TBC1D22B: variants seen among roughly 807,000 people sequenced by gnomAD.
The protein encoded by TBC1D22B is chromosome 6 open reading frame 197.
A neutral mutation model predicts 69.1 loss-of-function variants in TBC1D22B; 32 were observed. The observed-to-expected ratio is 0.46, with a 90% confidence interval of 0.35 to 0.62. The LOEUF is 0.62. Ranked by LOEUF, TBC1D22B falls within the 20% of genes least tolerant of loss-of-function variation. The probability of loss-of-function intolerance (pLI) is 0.00; values close to 1 mark genes in which losing one functional copy is unlikely to be tolerated. For missense variants in TBC1D22B, 462 were observed against 630.9 expected, an observed-to-expected ratio of 0.73 and a Z score of 2.87; for synonymous variants, 206 against 229.8, an observed-to-expected ratio of 0.90 and a Z score of 0.94.
At chr6:37,289,368 T>C (rs1767106871) in intron 7 of TBC1D22B, among the ~76,000 whole-genome samples, 1 of 152,256 alleles carries the variant, frequency 6.6e-6, no homozygotes, top group Non-Finnish European at 1.5e-5. Flanking sequence ...CTCCTCTCTA[T>C]AAGGCAGGAT....
intron 8 of TBC1D22B, among the ~76,000 whole-genome samples, chr6:37,312,044 T>A (rs1767928885): frequency 6.6e-6 from 1 of 152,246 alleles, no homozygotes; most frequent in Non-Finnish European, 1.5e-5. Context: ...AGACAGATTC[T>A]CACTCCTGTT....
rs796230163 is a variant in TBC1D22B, at chr6:37,290,698, CTGCAATG to C, written c.868-540_868-534del. On this transcript the variant is annotated intron_variant, in intron 7 of 12. Transcript: ENST00000373491. ...GTATCCTGATATGTGAACTGACTTC[CTGCAATG>C]TGCAGTCTGTCACTTGGTCCTAGTC... Among the ~76,000 whole-genome samples the C allele has an allele frequency of 2.8e-3, 420 of 152,206 alleles. 2 individuals are homozygous for C. The highest frequency in any genetic ancestry group is 9.3e-3 in the African/African-American group (388 of 41,530).
intron 3 of TBC1D22B, among the ~76,000 whole-genome samples, chr6:37,280,437 G>A (rs923020264): frequency 2.6e-5 from 4 of 152,204 alleles, no homozygotes; most frequent in Non-Finnish European, 1.5e-5. Context: ...GAACTTTTTC[G>A]TGGCTGTAAG....
intron 1 of TBC1D22B, among the ~76,000 whole-genome samples, chr6:37,267,461 CATATAT>C (rs1239580541): frequency 7.6e-6 from 1 of 132,016 alleles, no homozygotes; most frequent in Non-Finnish European, 1.6e-5. Flanking sequence ...TATATATACA[CATATAT>C]ATAATATATA....
chr6:37,267,482 CTATATATAATATATATACACTATATA>C (rs1183346946), intron 1 of TBC1D22B, among the ~76,000 whole-genome samples: 1 of 138,106 alleles, frequency 7.2e-6, no homozygotes, highest in Non-Finnish European at 1.5e-5. Context: ...TATATATACA[CTATATATAATATATATACACTATATA>C]TATAATATAT....
intron 12 of TBC1D22B, among the ~76,000 whole-genome samples, chr6:37,325,957 G>C (rs4711493): frequency 6.6e-6 from 1 of 151,992 alleles, no homozygotes; most frequent in Non-Finnish European, 1.5e-5. Context: ...GGTTCCTTAC[G>C]GCTAAGCATC....
intron 8 of TBC1D22B, among the ~76,000 whole-genome samples, chr6:37,310,056 T>G (rs1345869155): frequency 6.8e-6 from 1 of 146,956 alleles, no homozygotes; most frequent in East Asian, 1.9e-4. Flanking sequence ...AATTTTATTT[T>G]TATATAATGT....
At position 37,316,321 on chromosome 6, in the gene TBC1D22B, C is replaced by T. The variant is rs192946492; in HGVS notation, c.1166-382C>T. Among the ~76,000 whole-genome samples the T allele has an allele frequency of 1.7e-4, 26 of 152,300 alleles. No homozygotes were observed. In the East Asian group the frequency reaches 4.6e-3, roughly 27 times the overall value. On this transcript the variant is annotated intron_variant, in intron 10 of 12. Coordinates refer to ENST00000373491, the MANE Select transcript of TBC1D22B (RefSeq NM_017772.4). ...GGGGATGCTGAAGAGGAGTTCCTCG[C>T]CAGTAGGAGGGTGGCCAAGGTGACC...
At chr6:37,295,256 C>T (rs1184288065) in intron 8 of TBC1D22B, among the ~76,000 whole-genome samples, 1 of 151,942 alleles carries the variant, frequency 6.6e-6, no homozygotes, top group Non-Finnish European at 1.5e-5. Context: ...AGGTGTGCGC[C>T]ACCATACCCA....
At chr6:37,282,839 A>C in intron 4 of TBC1D22B, 43 bp from the exon 5 acceptor site, 1 of 1,601,912 alleles carries the variant, frequency 6.2e-7, no homozygotes, top group Non-Finnish European at 8.6e-7. Context: ...GCTTTAGAGC[A>C]TTTGTGGAGA....
intron 7 of TBC1D22B, among the ~76,000 whole-genome samples, chr6:37,290,096 C>T (rs916765325): frequency 2.6e-5 from 4 of 152,090 alleles, no homozygotes; most frequent in African/African-American, 9.7e-5. Context: ...TGTGTCCCTC[C>T]TACACTAGAT....
chr6:37,282,091 G>A, intron 3 of TBC1D22B, 94 bp from the exon 4 acceptor site: 1 of 1,429,126 alleles, frequency 7.0e-7, no homozygotes, highest in Non-Finnish European at 9.8e-7. Flanking sequence ...ACACCCTTGG[G>A]GAGGAAACAC....
At chr6:37,297,706 A>G (rs1026991991) in intron 8 of TBC1D22B, among the ~76,000 whole-genome samples, 3 of 152,236 alleles carry the variant, frequency 2.0e-5, no homozygotes, top group African/African-American at 7.2e-5. Flanking sequence ...TGTTTATTAA[A>G]AAATCAAAAC....
chr6:37,259,615 C>G (rs1465121513), intron 1 of TBC1D22B, among the ~76,000 whole-genome samples: 1 of 152,134 alleles, frequency 6.6e-6, no homozygotes, highest in Non-Finnish European at 1.5e-5. Flanking sequence ...TTTTAAAGCA[C>G]TACTTTTCTG....
chr6:37,308,410 CT>C (rs1361289486), intron 8 of TBC1D22B, among the ~76,000 whole-genome samples: 1 of 152,214 alleles, frequency 6.6e-6, no homozygotes, highest in Non-Finnish European at 1.5e-5. Flanking sequence ...GTGCACTCAG[CT>C]CACAGTTTTT....
intron 8 of TBC1D22B, among the ~76,000 whole-genome samples, chr6:37,306,410 C>T (rs904112745): frequency 6.6e-6 from 1 of 152,180 alleles, no homozygotes; most frequent in East Asian, 1.9e-4. Flanking sequence ...CCTCCCAGAG[C>T]CTGTTCACAT....
rs1768578390 is a variant in TBC1D22B at position 37,331,370 on chromosome 6, C to T, written c.*198C>T. 3 of 554,490 alleles carry T rather than the reference C, an allele frequency of 5.4e-6. No individual in the cohort carries two copies. The allele number at this position is 554,490 out of a possible 1,614,324, so 34.3% of individuals were successfully genotyped here. ...GTCACTTGGACCACTGTCAGTATTC[C>T]ATGCCGCGTGGATGGGCCCAGTTCT... On this transcript the variant is annotated 3_prime_UTR_variant, in exon 13 of 13. Transcript: ENST00000373491.
chr6:37,295,417 AT>A (rs1310328290), intron 8 of TBC1D22B, among the ~76,000 whole-genome samples: 2 of 152,082 alleles, frequency 1.3e-5, no homozygotes, highest in Non-Finnish European at 2.9e-5. Context: ...GATTGACTTC[AT>A]TTTTTAATTT....
At chr6:37,327,409 C>G (rs374164343) in intron 12 of TBC1D22B, among the ~76,000 whole-genome samples, 1 of 77,034 alleles carries the variant, frequency 1.3e-5, no homozygotes, top group South Asian at 4.0e-4. Flanking sequence ...ACCCGGGAGG[C>G]GGAGCTTGCA....
Sources: gnomAD v4.1 joint callset for allele counts (sites outside exome capture counted in the v4.1 genomes callset) on GRCh38, gnomAD v4.1.1 for gene constraint, MANE v1.5 for transcripts, NCBI Gene and HGNC (gene_info 2026-07-23, HGNC 2026-07-21) for gene names.